DLGAP4: variants seen among roughly 807,000 people sequenced by gnomAD.
DLGAP4 encodes DLG associated protein 4, also known as disks large-associated protein 4.
A neutral mutation model predicts 86.9 loss-of-function variants in DLGAP4; 18 were observed. The observed-to-expected ratio is 0.21, with a 90% CI of 0.14 to 0.31. The LOEUF is 0.31. Ranked by LOEUF, DLGAP4 falls within the 10% of genes least tolerant of loss-of-function variation. DLGAP4 has a pLI of 1.00. For synonymous variants in DLGAP4, 548 were observed against 574.3 expected (o/e 0.95, Z 0.65); for missense variants, 1,085 against 1,362.6 (o/e 0.80, Z 3.21).
At chr20:36,311,819 A>T (rs897567912) in intron 1 of DLGAP4, among the ~76,000 whole-genome samples, 3 of 152,224 alleles carry the variant, frequency 2.0e-5, no homozygotes, top group African/African-American at 4.8e-5. Flanking sequence ...GCTGGAAGAC[A>T]GAGGCCGGGC....
chr20:36,433,663 T>A (rs907548778), intron 3 of DLGAP4, among the ~76,000 whole-genome samples: 8 of 151,734 alleles, frequency 5.3e-5, no homozygotes, highest in Non-Finnish European at 1.0e-4. Context: ...TTTTTTTTTT[T>A]AGACAGAGTT....
In DLGAP4 at chr20:36,386,493, G is replaced by T. The variant is rs151169143; in HGVS notation, c.-73+19218G>T. 5.4e-4 allele frequency among the ~76,000 whole-genome samples: 82 copies of T among 151,046 alleles called. No individual in the cohort carries two copies. The East Asian group carries it at 0.016, about 29-fold the overall frequency. Reference sequence around the variant, plus strand: ...AAGAAAAGAGGGATGGGGGAGGGAGGGAGGAAAGAAAGAAGGAAATACTAA... The same window carrying T: ...AAGAAAAGAGGGATGGGGGAGGGAGTGAGGAAAGAAAGAAGGAAATACTAA... On this transcript the variant is annotated intron_variant, in intron 2 of 12. Transcript: ENST00000339266.
At chr20:36,509,907 A>G (rs1216334242) in intron 10 of DLGAP4, among the ~76,000 whole-genome samples, 2 of 150,382 alleles carry the variant, frequency 1.3e-5, no homozygotes, top group African/African-American at 4.9e-5. Flanking sequence ...CCCAGGCTGG[A>G]GTGCAATAGC....
chr20:36,525,625 T>G, intron 11 of DLGAP4: 1 of 599,776 alleles, frequency 1.7e-6, no homozygotes, highest in South Asian at 2.1e-5. Context: ...AGGAGTGCCT[T>G]CCTTGCCACA....
chr20:36,491,655 G>A (rs2035667982), intron 7 of DLGAP4, among the ~76,000 whole-genome samples: 1 of 152,058 alleles, frequency 6.6e-6, no homozygotes, highest in African/African-American at 2.4e-5. Context: ...TGAGGGGGTG[G>A]GAGGGGCATG....
At chr20:36,396,462 C>A (rs2147474712) in intron 2 of DLGAP4, among the ~76,000 whole-genome samples, 7 of 138,980 alleles carry the variant, frequency 5.0e-5, no homozygotes, top group Non-Finnish European at 6.3e-5. Context: ...CACATGCACA[C>A]ACACACATAC....
intron 7 of DLGAP4, among the ~76,000 whole-genome samples, chr20:36,485,163 G>A (rs1026236421): frequency 6.6e-6 from 1 of 152,008 alleles, no homozygotes; most frequent in Non-Finnish European, 1.5e-5. Context: ...AGTCCAGAGG[G>A]TTGCTTGAGC....
chr20:36,428,167 G>A (rs1278008074), intron 2 of DLGAP4, among the ~76,000 whole-genome samples: 2 of 152,124 alleles, frequency 1.3e-5, no homozygotes, highest in Non-Finnish European at 2.9e-5. Context: ...AGGGAGGGAG[G>A]CACCTTGCAA....
intron 7 of DLGAP4, among the ~76,000 whole-genome samples, chr20:36,463,881 C>T (rs1421953160): frequency 6.6e-6 from 1 of 152,152 alleles, no homozygotes; most frequent in Admixed American, 6.5e-5. Flanking sequence ...GCTGTTCAAG[C>T]GCCTTGTCTT....
intron 2 of DLGAP4, among the ~76,000 whole-genome samples, chr20:36,409,950 C>T (rs567867898): frequency 2.0e-5 from 3 of 150,680 alleles, no homozygotes; most frequent in East Asian, 3.9e-4. Context: ...AGGAGAATGG[C>T]ATGAACCCGG....
At chr20:36,474,522 A>G (rs117991337) in intron 7 of DLGAP4, among the ~76,000 whole-genome samples, 80 of 152,318 alleles carry the variant, frequency 5.3e-4, no homozygotes, top group Non-Finnish European at 1.1e-3. Context: ...TAGGTTGGAT[A>G]GTTCTAGCCT....
At position 36,524,348 on chromosome 20, in the gene DLGAP4, G is replaced by A. The variant is rs1452681861; in HGVS notation, c.2604+7G>A. ...CCTCTGTGAGCAAAACTTGGTGAGT[G>A]TGATTCTCCTTCCTCCACAGCAGGG... On this transcript the variant is annotated splice_region_variant and intron_variant, in intron 11 of 12. Coordinates refer to ENST00000339266, the MANE Select transcript of DLGAP4 (RefSeq NM_001365621.2). 1 of 1,610,224 alleles carries A rather than the reference G, an allele frequency of 6.2e-7. No homozygotes were observed. Among genetic ancestry groups the A allele is most frequent in the Non-Finnish European group, 8.5e-7 (1 of 1,177,904 alleles).
chr20:36,310,893 A>G (rs1600389393), intron 1 of DLGAP4, among the ~76,000 whole-genome samples: 1 of 152,182 alleles, frequency 6.6e-6, no homozygotes, highest in Non-Finnish European at 1.5e-5. Flanking sequence ...TGTGTGTTGC[A>G]CCAAAGACAA....
intron 2 of DLGAP4, among the ~76,000 whole-genome samples, chr20:36,401,475 C>G (rs2032158852): frequency 1.3e-5 from 2 of 152,210 alleles, no homozygotes; most frequent in Admixed American, 1.3e-4. Flanking sequence ...GCGGCTTTTC[C>G]CTCCCGGGCT....
intron 10 of DLGAP4, among the ~76,000 whole-genome samples, chr20:36,510,683 T>C (rs2036642917): frequency 6.6e-6 from 1 of 152,122 alleles, no homozygotes; most frequent in Admixed American, 6.5e-5. Flanking sequence ...AGTCCTAGGA[T>C]TACAGGTGTG....
intron 2 of DLGAP4, among the ~76,000 whole-genome samples, chr20:36,428,326 G>A (rs920352164): frequency 7.2e-5 from 11 of 152,236 alleles, no homozygotes; most frequent in Admixed American, 6.5e-4. Context: ...CTGTGGCCCA[G>A]TGGCTACCAT....
chr20:36,411,742 G>A (rs1397948834), intron 2 of DLGAP4, among the ~76,000 whole-genome samples: 1 of 152,156 alleles, frequency 6.6e-6, no homozygotes. Context: ...CCAGGCATTC[G>A]CTTCCCTGTC....
intron 2 of DLGAP4, among the ~76,000 whole-genome samples, chr20:36,382,527 C>CTTTTTTTTTTTTTT (rs749210064): frequency 1.4e-4 from 15 of 110,470 alleles, no homozygotes; most frequent in African/African-American, 2.9e-4. Context: ...TTCTTTTTTT[C>CTTTTTTTTTTTTTT]TTTTTTTTTT....
Position 36,350,161 on chromosome 20 carries a change from C to G in DLGAP4, c.-303-16884C>G, listed in dbSNP as rs1029340927. Among the ~76,000 whole-genome samples the G allele has an allele frequency of 6.6e-6, 1 of 152,202 alleles. No homozygotes were observed. Among genetic ancestry groups the G allele is most frequent in the African/African-American group, 2.4e-5 (1 of 41,456 alleles). ...ACAGGACGGGGATCTGCACAGGGACCCAGAAGGCTGGCGGGTGCCAAGCCT... is the reference window on the plus strand; with the variant it reads ...ACAGGACGGGGATCTGCACAGGGACGCAGAAGGCTGGCGGGTGCCAAGCCT... On this transcript the variant is annotated intron_variant, in intron 1 of 12. Transcript: ENST00000339266. The surrounding 1 kb of genome is among the most constrained non-coding windows in gnomAD (Gnocchi z 4.4).
Sources: gnomAD v4.1 joint callset for allele counts (sites outside exome capture counted in the v4.1 genomes callset) on GRCh38, gnomAD v4.1.1 for gene constraint, Gnocchi (gnomAD v3.1) non-coding constraint, MANE v1.5 for transcripts, NCBI Gene and HGNC (gene_info 2026-07-23, HGNC 2026-07-21) for gene names.